EPB41: variants seen among roughly 807,000 people sequenced by gnomAD.
EPB41 encodes erythrocyte membrane protein band 4.1.
In EPB41, 65 loss-of-function variants were observed where a neutral mutation model predicts 108.0. That is an observed-to-expected ratio of 0.60 (90% CI 0.49 to 0.74). The LOEUF (loss-of-function observed/expected upper bound fraction) is 0.74. Among genes scored for constraint, EPB41 ranks in the 30% least tolerant of loss-of-function variants. The probability of loss-of-function intolerance (pLI) is 0.00; values close to 1 mark genes in which losing one functional copy is unlikely to be tolerated. For synonymous variants in EPB41, 336 were observed against 358.9 expected (o/e 0.94, Z 0.72); for missense variants, 875 against 1,037.0 (o/e 0.84, Z 2.15).
rs557878138 is a variant in EPB41, at chr1:28,904,283, A to G, written c.-8+17073A>G. Among the ~76,000 whole-genome samples the G allele has an allele frequency of 4.6e-5, 7 of 151,960 alleles. No homozygotes were observed. In the East Asian group the frequency reaches 5.8e-4, roughly 13 times the overall value. On this transcript the variant is annotated intron_variant, in intron 1 of 16. Transcript: ENST00000347529. ...TTCATGCTAGGATCCCCAGTGCCCA[A>G]TAAATGTGTGATGGATGAAGAAAGG...
At chr1:28,920,732 CAGGCTCAGGTG>C (rs1395325220) in intron 1 of EPB41, among the ~76,000 whole-genome samples, 3 of 152,024 alleles carry the variant, frequency 2.0e-5, no homozygotes, top group Non-Finnish European at 2.9e-5. Flanking sequence ...CTCAACTTCC[CAGGCTCAGGTG>C]ATCTTCCCAC....
intron 12 of EPB41, among the ~76,000 whole-genome samples, chr1:29,057,707 C>T (rs1242750210): frequency 6.6e-6 from 1 of 152,172 alleles, no homozygotes; most frequent in East Asian, 1.9e-4. Flanking sequence ...ATTGCTCCCT[C>T]TATTATGCTC....
At chr1:29,114,016 C>T (rs931280196) in intron 19 of EPB41, among the ~76,000 whole-genome samples, 1 of 152,082 alleles carries the variant, frequency 6.6e-6, no homozygotes, top group Non-Finnish European at 1.5e-5. Context: ...TGGTCAGGGG[C>T]CCACAGAGGT....
At chr1:29,086,051 C>G (rs1658758437) in intron 16 of EPB41, among the ~76,000 whole-genome samples, 1 of 152,104 alleles carries the variant, frequency 6.6e-6, no homozygotes. Context: ...TTTTTTAGCA[C>G]TTTCTGCATA....
At chr1:29,051,625 G>A (rs1318822241) in intron 11 of EPB41, among the ~76,000 whole-genome samples, 2 of 151,942 alleles carry the variant, frequency 1.3e-5, no homozygotes, top group African/African-American at 4.8e-5. Flanking sequence ...GGCTGGGAGC[G>A]GTGGCTCACG....
At chr1:29,096,594 G>A (rs1663286600) in intron 16 of EPB41, 2 of 985,488 alleles carry the variant, frequency 2.0e-6, no homozygotes, top group South Asian at 4.7e-5. Context: ...ACCCTCATTC[G>A]AAGTTTCCAG....
chr1:28,952,761 A>G (rs1413576987), intron 1 of EPB41, among the ~76,000 whole-genome samples: 1 of 152,224 alleles, frequency 6.6e-6, no homozygotes, highest in Non-Finnish European at 1.5e-5. Context: ...GCTATTATCT[A>G]GGAGTTTTTC....
intron 12 of EPB41, chr1:29,053,565 T>C: frequency 2.6e-6 from 1 of 381,922 alleles, no homozygotes; most frequent in East Asian, 5.7e-5. Context: ...TTTATTTATT[T>C]ATTTATTTTT....
intron 1 of EPB41, among the ~76,000 whole-genome samples, chr1:28,919,566 C>T (rs764749588): frequency 7.2e-5 from 11 of 152,062 alleles, no homozygotes; most frequent in Non-Finnish European, 1.6e-4. Flanking sequence ...CGGGTTCAAG[C>T]GATTCTTCCG....
At chr1:29,042,468 TTTTTGTTTTG>T (rs531344214) in intron 11 of EPB41, among the ~76,000 whole-genome samples, 1 of 151,942 alleles carries the variant, frequency 6.6e-6, no homozygotes, top group Non-Finnish European at 1.5e-5. Context: ...TTTTTTGTTT[TTTTTGTTTTG>T]TTTTGTTTTG....
At chr1:28,987,242 A>G (rs1272808685) in intron 1 of EPB41, among the ~76,000 whole-genome samples, 189 bp from the exon 2 acceptor site, 1 of 152,198 alleles carries the variant, frequency 6.6e-6, no homozygotes, top group African/African-American at 2.4e-5. Flanking sequence ...CAAGGCATTA[A>G]TATTTTATTC....
chr1:29,113,994 G>T (rs935871372), intron 19 of EPB41, among the ~76,000 whole-genome samples: 2 of 152,176 alleles, frequency 1.3e-5, no homozygotes, highest in Non-Finnish European at 2.9e-5. Context: ...GGGCAAACAG[G>T]ATCAGGGAGG....
chr1:29,086,933 T>G (rs1031810067), intron 16 of EPB41, among the ~76,000 whole-genome samples: 2 of 143,660 alleles, frequency 1.4e-5, no homozygotes, highest in African/African-American at 5.0e-5. Flanking sequence ...TAAGCTTAAC[T>G]GTGGTTCTTT....
chr1:29,055,080 G>A (rs1645145194), intron 12 of EPB41, among the ~76,000 whole-genome samples: 1 of 152,038 alleles, frequency 6.6e-6, no homozygotes, highest in South Asian at 2.1e-4. Flanking sequence ...ATGACATACA[G>A]TTTTACTGTC....
upstream of EPB41, among the ~76,000 whole-genome samples, chr1:28,910,645 C>T (rs1051126677): frequency 2.0e-5 from 3 of 152,340 alleles, no homozygotes; most frequent in Admixed American, 2.0e-4. Context: ...TGGTCACCAC[C>T]TAATTTCACC....
upstream of EPB41, among the ~76,000 whole-genome samples, chr1:28,909,839 A>G (rs2092127306): frequency 6.6e-6 from 1 of 152,100 alleles, no homozygotes; most frequent in Non-Finnish European, 1.5e-5. Flanking sequence ...GATAGTATAC[A>G]TAAGGGTGGG....
At chr1:28,977,025 G>A (rs964269303) in intron 1 of EPB41, among the ~76,000 whole-genome samples, 1 of 152,020 alleles carries the variant, frequency 6.6e-6, no homozygotes, top group East Asian at 1.9e-4. Context: ...GCTAATTGTT[G>A]TATTTTTAGT....
chr1:29,057,699 T>C (rs1250419243), intron 12 of EPB41, among the ~76,000 whole-genome samples: 1 of 152,216 alleles, frequency 6.6e-6, no homozygotes, highest in Non-Finnish European at 1.5e-5. Flanking sequence ...CTTTGGGCAT[T>C]GCTCCCTCTA....
At chr1:29,093,445 A>G (rs1322240335) in intron 16 of EPB41, among the ~76,000 whole-genome samples, 1 of 152,238 alleles carries the variant, frequency 6.6e-6, no homozygotes, top group African/African-American at 2.4e-5. Flanking sequence ...GCTGGATATT[A>G]GACCTTTGTC....
Sources: allele counts gnomAD v4.1 joint callset (sites outside exome capture counted in the v4.1 genomes callset), GRCh38; gene constraint gnomAD v4.1.1; transcripts MANE v1.5; gene names NCBI Gene and HGNC (gene_info 2026-07-23, HGNC 2026-07-21).